LAMA5: variants seen among roughly 807,000 people sequenced by gnomAD.
LAMA5 encodes the protein laminin subunit alpha-5.
Under a neutral mutation model 433.4 loss-of-function variants are expected in LAMA5, and 260 were observed. The observed-to-expected ratio is 0.60, with a 90% confidence interval of 0.54 to 0.66. The LOEUF is 0.66. Among genes scored for constraint, LAMA5 ranks in the 30% least tolerant of loss-of-function variants. The pLI, the probability that LAMA5 is intolerant of heterozygous loss-of-function variation, is 0.00. For synonymous variants in LAMA5, 2,620 were observed against 2,226.6 expected, an observed-to-expected ratio of 1.18 and a Z score of -4.97; for missense variants, 5,378 against 5,258.5, an observed-to-expected ratio of 1.02 and a Z score of -0.70.
At position 62,320,885 on chromosome 20, in the gene LAMA5, C is replaced by A; in HGVS notation, c.6502G>T (p.Asp2168Tyr). ...TCCAGGAGCAGGACCACACAGTGGT[C>A]ACACACTGCAGGCGATGTGGGGTCA... ...VGHSIHCEVC[D>Y]HCVVLLLDDL... Residue 2168 changes from aspartate (D) to tyrosine (Y), a missense_variant, in exon 49 of 80, where the codon GAC becomes TAC. By Grantham distance (160) the Asp-to-Tyr change is radical (BLOSUM62 -3). Transcript: ENST00000252999. 6.2e-7 allele frequency: 1 copy of A among 1,607,124 alleles called. No individual in the cohort carries two copies. The highest frequency in any genetic ancestry group is 1.1e-5 in the South Asian group (1 of 90,812).
At chr20:62,346,446 A>G (rs2146280946) in intron 9 of LAMA5, 60 bp downstream of exon 9, 1 of 1,500,188 alleles carries the variant, frequency 6.7e-7, no homozygotes, top group South Asian at 1.2e-5. Flanking sequence ...AAGGCCCAAG[A>G]ACACCTCTTT....
rs574013093 is a variant in LAMA5 at position 62,319,579 on chromosome 20, A to G, written c.6871+105T>C. 128 of 767,388 alleles carry G rather than the reference A, an allele frequency of 1.7e-4. No individual in the cohort carries two copies. In the African/African-American group the frequency reaches 1.9e-3, roughly 11 times the overall value. 47.5% of individuals were successfully genotyped at this position (767,388 alleles called of 1,614,324 possible). On this transcript the variant is annotated intron_variant, in intron 51 of 79. Coordinates refer to ENST00000252999, the MANE Select transcript of LAMA5 (RefSeq NM_005560.6). ...AGGCGTCGTCTCCCATCTAAAAGAC[A>G]GATCCTGCCTGTTCTTCCAGGCCAA...
Position 62,352,366 on chromosome 20 carries a change from G to A in LAMA5, c.569-6C>T, listed in dbSNP as rs1174333449. The A allele has an allele frequency of 6.3e-7, 1 of 1,593,510 alleles. No homozygotes were observed. Among genetic ancestry groups the A allele is most frequent in the Non-Finnish European group, 8.5e-7 (1 of 1,175,840 alleles). ...CAGACAGTCCCTCTTGGAGGCTGCG[G>A]GGAATGGCGGGAGGGGAGGGCGCTG... is the stretch of plus-strand genomic sequence containing the variant. On this transcript the variant is annotated splice_region_variant and splice_polypyrimidine_tract_variant and intron_variant, in intron 3 of 79. Transcript: ENST00000252999.
At chr20:62,323,045 A>C (rs1833550947) in intron 45 of LAMA5, among the ~76,000 whole-genome samples, 1 of 104,752 alleles carries the variant, frequency 9.5e-6, no homozygotes, top group Non-Finnish European at 1.8e-5. Flanking sequence ...GGGGGGACTG[A>C]TTGTGGGGGG....
At chr20:62,337,097 C>G (rs1230780972) in intron 16 of LAMA5, 1 of 607,122 alleles carries the variant, frequency 1.6e-6, no homozygotes, top group African/African-American at 1.8e-5. Context: ...TGAAGATGCA[C>G]CCACTACACG....
At position 62,316,732 on chromosome 20, in the gene LAMA5, G is replaced by A. The variant is rs1986972608; in HGVS notation, c.7695C>T (p.Leu2565=). ...CTTCTAGTGCAGTGCTGTTGGCCAG[G>A]AGCTGCTGGGCTCGGTCCACCAGGC... ...RQGLVDRAQQ[L]LANSTALEEA... Residue 2565 remains leucine, a synonymous_variant, in exon 57 of 80, where the codon CTC becomes CTT. Transcript: ENST00000252999. 1.2e-6 allele frequency: 2 copies of A among 1,609,372 alleles called. No individual in the cohort carries two copies. Among genetic ancestry groups the A allele is most frequent in the Middle Eastern group, 1.8e-4 (1 of 5,642 alleles).
intron 1 of LAMA5, among the ~76,000 whole-genome samples, chr20:62,364,134 C>T (rs1484123234): frequency 6.6e-6 from 1 of 152,216 alleles, no homozygotes; most frequent in Admixed American, 6.5e-5. Flanking sequence ...GCTAGAGCAA[C>T]TGAAGACACC....
chr20:62,336,614 C>A (rs1981674421), intron 17 of LAMA5, 120 bp downstream of exon 17: 1 of 1,287,278 alleles, frequency 7.8e-7, no homozygotes. Context: ...AGCAGACAGG[C>A]CCTGGGGTTG....
chr20:62,336,866 C>G, intron 16 of LAMA5, 80 bp from the exon 17 acceptor site: 1 of 1,400,288 alleles, frequency 7.1e-7, no homozygotes, highest in Non-Finnish European at 9.9e-7. Context: ...CCAGCCAGAA[C>G]CCACGGTCCC....
In LAMA5 at chr20:62,318,534, C is replaced by G. The variant is rs1196366470; in HGVS notation, c.7159G>C (p.Ala2387Pro). 1 of 1,609,966 alleles carries G rather than the reference C, an allele frequency of 6.2e-7. No homozygotes were observed. The highest frequency in any genetic ancestry group is 8.5e-7 in the Non-Finnish European group (1 of 1,179,088). Reference protein sequence around the residue: ...HEAGLMDLREALNRAVDATRE... With the variant: ...HEAGLMDLREPLNRAVDATRE... The stretch of plus-strand genomic sequence containing the variant: ...GTGGCGTCCACTGCCCGGTTCAAAG[C>G]CTCTCGCAGGTCCATGAGGCCGGCC... Residue 2387 changes from alanine (A) to proline (P), a missense_variant, in exon 53 of 80, where the codon GCT (alanine) becomes CCT (proline). By Grantham distance (27) the Ala-to-Pro change is conservative (BLOSUM62 -1). Transcript: ENST00000252999.
intron 11 of LAMA5, among the ~76,000 whole-genome samples, chr20:62,342,690 A>G (rs933551888): frequency 6.7e-6 from 1 of 148,926 alleles, no homozygotes; most frequent in Non-Finnish European, 1.5e-5. Context: ...AACAAAAACA[A>G]AAAAACAAAA....
chr20:62,316,225 T>C, intron 57 of LAMA5, 167 bp from the exon 58 acceptor site: 1 of 613,952 alleles, frequency 1.6e-6, no homozygotes, highest in Non-Finnish European at 2.9e-6. Context: ...GTGTTGAGTC[T>C]CAGCGTAGCC....
intron 18 of LAMA5, among the ~76,000 whole-genome samples, 159 bp downstream of exon 18, chr20:62,336,181 A>C (rs1205537604): frequency 7.3e-6 from 1 of 137,102 alleles, no homozygotes; most frequent in Admixed American, 7.2e-5. Context: ...TCATGGGTAC[A>C]ATCCCCGAGG....
chr20:62,348,953 G>A (rs1983774177), intron 6 of LAMA5, among the ~76,000 whole-genome samples: 1 of 152,146 alleles, frequency 6.6e-6, no homozygotes, highest in Non-Finnish European at 1.5e-5. Flanking sequence ...CAGAAAGAAT[G>A]GCCAAGGATG....
chr20:62,346,163 ACC>A lies in LAMA5; in HGVS notation c.1333_1334del (p.Gly445SerfsTer14). On this transcript the variant is annotated frameshift_variant, in exon 10 of 80. Transcript: ENST00000252999. LOFTEE classifies it high-confidence loss of function. ...FTDGTCEDLT[G>X]RCYCRPNFSG... ...AGAAGTTGGGCCGGCAGTAGCATCG[ACC>A]CGTCAGGTCCTCGCAGGTGCCATCC... The A allele has an allele frequency of 1.9e-6, 3 of 1,612,886 alleles. No homozygotes were observed. The highest frequency in any genetic ancestry group is 2.5e-6 in the Non-Finnish European group (3 of 1,179,940).
chr20:62,330,386 T>C, intron 31 of LAMA5, 102 bp downstream of exon 31: 1 of 1,401,866 alleles, frequency 7.1e-7, no homozygotes, highest in Non-Finnish European at 9.4e-7. Flanking sequence ...CAGAGTCATG[T>C]TGCCTGTCGC....
chr20:62,320,867 G>C lies in LAMA5; in HGVS notation c.6520C>G (p.Leu2174Val), dbSNP rs1987629091. The change falls in exon 49 of 80, where the codon CTC (leucine) becomes GTC (valine). Residue 2174 changes from leucine to valine, a missense_variant. Coordinates refer to ENST00000252999, the MANE Select transcript of LAMA5 (RefSeq NM_005560.6). ...CEVCDHCVVL[L>V]LDDLERAGAL... ...CCGGCCCGTTCCAGGTCATCCAGGA[G>C]CAGGACCACACAGTGGTCACACACT... is the stretch of plus-strand genomic sequence containing the variant. The C allele has an allele frequency of 6.2e-7, 1 of 1,611,792 alleles. No individual in the cohort carries two copies. The highest frequency in any genetic ancestry group is 8.5e-7 in the Non-Finnish European group (1 of 1,179,526).
At chr20:62,358,489 C>T (rs889835781) in intron 2 of LAMA5, among the ~76,000 whole-genome samples, 3 of 152,188 alleles carry the variant, frequency 2.0e-5, no homozygotes, top group Non-Finnish European at 4.4e-5. Flanking sequence ...TGGCTGAGTG[C>T]CCAACCAGGC....
chr20:62,316,844 C>G, intron 56 of LAMA5, 38 bp downstream of exon 56: 3 of 1,537,608 alleles, frequency 2.0e-6, no homozygotes, highest in Non-Finnish European at 2.6e-6. Context: ...GCAGTGGGGG[C>G]GCTCCTGCTG....
Sources: gnomAD v4.1 joint callset for allele counts (sites outside exome capture counted in the v4.1 genomes callset) on GRCh38, gnomAD v4.1.1 for gene constraint, MANE v1.5 for transcripts, NCBI Gene and HGNC (gene_info 2026-07-23, HGNC 2026-07-21) for gene names.